DLG2: variants seen among roughly 807,000 people sequenced by gnomAD.
DLG2 encodes the protein discs large MAGUK scaffold protein 2, also known as disks large homolog 2.
A neutral mutation model predicts 132.5 loss-of-function variants in DLG2; 45 were observed. The observed-to-expected ratio is 0.34, with a 90% CI of 0.27 to 0.44. The LOEUF (loss-of-function observed/expected upper bound fraction) is 0.44, where lower values mean the gene tolerates loss of function less well. DLG2 is among the 20% of genes least tolerant of loss of function. DLG2 has a pLI of 1.00. For missense variants in DLG2, 1,045 were observed against 1,196.9 expected (o/e 0.87, Z 1.87); for synonymous variants, 424 against 419.6 (o/e 1.01, Z -0.13).
intron 7 of DLG2, among the ~76,000 whole-genome samples, chr11:84,513,239 G>T (rs552522476): frequency 6.6e-6 from 1 of 152,090 alleles, no homozygotes; most frequent in South Asian, 2.1e-4. Flanking sequence ...AACCAATATT[G>T]TTAAAATGTC....
intron 6 of DLG2, among the ~76,000 whole-genome samples, chr11:84,771,978 C>A (rs1198878652): frequency 1.3e-5 from 2 of 152,056 alleles, no homozygotes; most frequent in African/African-American, 4.8e-5. Context: ...AATAGCTACA[C>A]CCAAAAATAA....
intron 17 of DLG2, among the ~76,000 whole-genome samples, chr11:83,804,560 A>G (rs998801592): frequency 7.7e-6 from 1 of 129,230 alleles, no homozygotes; most frequent in Admixed American, 7.6e-5. Flanking sequence ...CCACTTACCT[A>G]CCTATCTGCC....
intron 3 of DLG2, among the ~76,000 whole-genome samples, chr11:85,463,972 C>A (rs539862699): frequency 6.2e-5 from 2 of 32,380 alleles, no homozygotes; most frequent in African/African-American, 2.1e-4. Context: ...ATATTATGCA[C>A]CATATAGACA....
At chr11:83,883,594 G>A (rs757466269) in intron 15 of DLG2, among the ~76,000 whole-genome samples, 1 of 152,142 alleles carries the variant, frequency 6.6e-6, no homozygotes, top group Non-Finnish European at 1.5e-5. Flanking sequence ...TCAGCATTTT[G>A]CCCAGTGGAC....
chr11:85,363,385 T>G (rs1267014565), intron 3 of DLG2, among the ~76,000 whole-genome samples: 2 of 152,210 alleles, frequency 1.3e-5, no homozygotes, highest in Non-Finnish European at 2.9e-5. Context: ...CTTGAACAGA[T>G]AGAGGAAGAG....
rs2096596530 is a variant in DLG2 at position 84,061,856 on chromosome 11, A to C, written c.750-2372T>G. 3.9e-4 allele frequency among the ~76,000 whole-genome samples: 4 copies of C among 10,128 alleles called. No homozygotes were observed. In the Admixed American group the frequency reaches 5.0e-3, roughly 13 times the overall value. 6.6% of individuals were successfully genotyped at this position (10,128 alleles called of 152,430 possible). A position where few individuals can be genotyped will look rare whatever the true frequency, so the allele number is the denominator to read the frequency against. On this transcript the variant is annotated intron_variant, in intron 10 of 27. Transcript: ENST00000376104. The stretch of plus-strand genomic sequence containing the variant: ...TACATTTCCTCTCTGATTGACAAAA[A>C]AAAAAAAAAAAAAGGGAAACTACCA...
intron 19 of DLG2, among the ~76,000 whole-genome samples, chr11:83,568,923 C>T (rs941670351): frequency 2.0e-5 from 3 of 151,606 alleles, no homozygotes; most frequent in African/African-American, 4.8e-5. Context: ...ATGTTTAAGC[C>T]GAAGCCCTAC....
intron 21 of DLG2, among the ~76,000 whole-genome samples, chr11:83,516,708 A>G (rs2095307265): frequency 6.6e-6 from 1 of 152,150 alleles, no homozygotes; most frequent in African/African-American, 2.4e-5. Flanking sequence ...GAGCTCTTGT[A>G]GGGCAGGCCT....
intron 6 of DLG2, among the ~76,000 whole-genome samples, chr11:84,787,862 G>T (rs2073170353): frequency 6.6e-6 from 1 of 151,672 alleles, no homozygotes; most frequent in Non-Finnish European, 1.5e-5. Flanking sequence ...ACTTTGGGAG[G>T]CCGAGACAGG....
chr11:85,036,971 C>G (rs974189032), intron 6 of DLG2, among the ~76,000 whole-genome samples: 3 of 152,058 alleles, frequency 2.0e-5, no homozygotes, highest in African/African-American at 7.2e-5. Flanking sequence ...CAGAAGTACC[C>G]CCAGGACTTA....
chr11:84,702,479 C>A (rs1301372102), intron 6 of DLG2, among the ~76,000 whole-genome samples: 1 of 151,678 alleles, frequency 6.6e-6, no homozygotes, highest in African/African-American at 2.4e-5. Context: ...TTCTTTCAGA[C>A]CTCTGGACTT....
rs181501508 is a variant in DLG2, at chr11:84,313,594, G to T, written c.520-62303C>A. 6.3e-3 allele frequency among the ~76,000 whole-genome samples: 903 copies of T among 142,708 alleles called. 5 individuals carry two copies. Among genetic ancestry groups the T allele is most frequent in the Non-Finnish European group, 9.1e-3 (596 of 65,442 alleles). The allele number at this position is 142,708 out of a possible 152,430, so 93.6% of individuals were successfully genotyped here. A position where few individuals can be genotyped will look rare whatever the true frequency, so the allele number is the denominator to read the frequency against. On this transcript the variant is annotated intron_variant, in intron 7 of 27. Transcript: ENST00000376104. ...GAGAGAGAGAGAGAAAGGAAGGAAG[G>T]AAGGAGGGAAGGAAAGAAGGAAAAA...
intron 19 of DLG2, among the ~76,000 whole-genome samples, chr11:83,574,944 C>T (rs1037218910): frequency 2.6e-5 from 4 of 152,072 alleles, no homozygotes; most frequent in Non-Finnish European, 5.9e-5. Flanking sequence ...ACTGTGTATG[C>T]CAGAAAAAAG....
At chr11:85,188,440 A>G (rs1229089637) in intron 4 of DLG2, among the ~76,000 whole-genome samples, 1 of 152,238 alleles carries the variant, frequency 6.6e-6, no homozygotes, top group East Asian at 1.9e-4. Context: ...GGTATCTAAA[A>G]TGTCTAGTTT....
intron 3 of DLG2, among the ~76,000 whole-genome samples, chr11:85,593,257 A>C (rs989920315): frequency 6.6e-6 from 1 of 152,202 alleles, no homozygotes; most frequent in Non-Finnish European, 1.5e-5. Flanking sequence ...TTTAGTAATA[A>C]TATTCACACA....
At chr11:83,964,525 C>T (rs2089726372) in intron 13 of DLG2, among the ~76,000 whole-genome samples, 2 of 151,968 alleles carry the variant, frequency 1.3e-5, no homozygotes, top group South Asian at 2.1e-4. Flanking sequence ...TCCAAGTTTC[C>T]AGTCTCACAA....
At chr11:83,720,018 C>G (rs149632818) in intron 18 of DLG2, among the ~76,000 whole-genome samples, 5 of 151,886 alleles carry the variant, frequency 3.3e-5, no homozygotes, top group Middle Eastern at 3.2e-3. Flanking sequence ...TTCAGCCGGG[C>G]GCAGTGGCTC....
At chr11:84,766,799 T>C (rs773713818) in intron 6 of DLG2, among the ~76,000 whole-genome samples, 1 of 152,114 alleles carries the variant, frequency 6.6e-6, no homozygotes, top group Non-Finnish European at 1.5e-5. Flanking sequence ...ATAGTCGTTA[T>C]AGTCTTGCTT....
chr11:84,082,151 C>A (rs2096913705), intron 10 of DLG2, among the ~76,000 whole-genome samples: 1 of 151,704 alleles, frequency 6.6e-6, no homozygotes, highest in South Asian at 2.1e-4. Flanking sequence ...TCATTTAATA[C>A]CATAACACAG....
Sources: gnomAD v4.1 joint callset for allele counts (sites outside exome capture counted in the v4.1 genomes callset) on GRCh38, gnomAD v4.1.1 for gene constraint, MANE v1.5 for transcripts, NCBI Gene and HGNC (gene_info 2026-07-23, HGNC 2026-07-21) for gene names.